The following CNTNAP2 variants were observed in gnomAD, a reference collection of about 807,000 sequenced individuals.
CNTNAP2 encodes contactin-associated protein-like 2.
Under a neutral mutation model 155.2 loss-of-function variants are expected in CNTNAP2, and 98 were observed. The observed-to-expected ratio is 0.63, with a 90% CI of 0.54 to 0.75. The LOEUF is 0.75. Ranked by LOEUF, CNTNAP2 falls within the 30% of genes least tolerant of loss-of-function variation. The pLI is 0.00. For missense variants in CNTNAP2, 1,727 were observed against 1,688.1 expected (o/e 1.02, Z -0.40); for synonymous variants, 651 against 631.2 (o/e 1.03, Z -0.47).
At chr7:147,254,081 T>G (rs1452532091) in intron 8 of CNTNAP2, among the ~76,000 whole-genome samples, 1 of 152,116 alleles carries the variant, frequency 6.6e-6, no homozygotes, top group African/African-American at 2.4e-5. Flanking sequence ...TTTATGGCAT[T>G]CATGTGATTT....
At chr7:146,630,730 GTGA>G (rs1395672564) in intron 1 of CNTNAP2, among the ~76,000 whole-genome samples, 4 of 152,096 alleles carry the variant, frequency 2.6e-5, no homozygotes, top group Admixed American at 2.6e-4. Context: ...CTAATGACCA[GTGA>G]TGATGAGCAA....
intron 13 of CNTNAP2, among the ~76,000 whole-genome samples, chr7:147,756,435 C>T (rs724440): frequency 0.35 from 53,065 of 151,948 alleles, 10,104 homozygotes; most frequent in African/African-American, 0.49. Context: ...ACATCTTGAC[C>T]AAAGTCACAC....
intron 8 of CNTNAP2, among the ~76,000 whole-genome samples, chr7:147,266,537 T>C (rs1193913308): frequency 6.6e-6 from 1 of 152,178 alleles, no homozygotes; most frequent in Non-Finnish European, 1.5e-5. Context: ...ACTATTACTA[T>C]GAAGAACAAA....
intron 1 of CNTNAP2, among the ~76,000 whole-genome samples, chr7:146,314,409 C>A (rs1028612724): frequency 1.3e-5 from 2 of 152,074 alleles, no homozygotes; most frequent in Non-Finnish European, 2.9e-5. Context: ...GTGTTAGATG[C>A]GTGTTCCAGT....
intron 12 of CNTNAP2, among the ~76,000 whole-genome samples, chr7:147,585,235 G>T (rs727640): frequency 0.69 from 104,834 of 151,840 alleles, 36,760 homozygotes; most frequent in African/African-American, 0.81. Context: ...AGTAATTAAA[G>T]TGTATTACTT....
intron 18 of CNTNAP2, among the ~76,000 whole-genome samples, chr7:148,208,515 G>A (rs1449276001): frequency 6.6e-6 from 1 of 152,152 alleles, no homozygotes; most frequent in African/African-American, 2.4e-5. Flanking sequence ...AGGAAAAAGA[G>A]CCAATGCCTT....
At chr7:147,559,091 G>A (rs541807338) in intron 11 of CNTNAP2, among the ~76,000 whole-genome samples, 2 of 152,064 alleles carry the variant, frequency 1.3e-5, no homozygotes, top group East Asian at 1.9e-4. Flanking sequence ...GCCCAGGCTG[G>A]TCTCCAACTC....
chr7:146,234,231 T>A (rs1799433855), intron 1 of CNTNAP2, among the ~76,000 whole-genome samples: 1 of 152,168 alleles, frequency 6.6e-6, no homozygotes, highest in Non-Finnish European at 1.5e-5. Context: ...GGTGAGCATT[T>A]TCTCATGTGT....
At chr7:146,215,667 G>A (rs759575250) in intron 1 of CNTNAP2, among the ~76,000 whole-genome samples, 1 of 151,752 alleles carries the variant, frequency 6.6e-6, no homozygotes, top group Non-Finnish European at 1.5e-5. Flanking sequence ...TGTAAAATTT[G>A]TTAAACTTCC....
chr7:147,640,859 G>A (rs1795261713), intron 13 of CNTNAP2, among the ~76,000 whole-genome samples: 1 of 152,154 alleles, frequency 6.6e-6, no homozygotes, highest in African/African-American at 2.4e-5. Context: ...TGGAGGAGGT[G>A]GTACCTGACT....
intron 3 of CNTNAP2, among the ~76,000 whole-genome samples, chr7:146,954,784 A>G (rs746371522): frequency 7.2e-5 from 11 of 152,004 alleles, no homozygotes; most frequent in Admixed American, 1.3e-4. Flanking sequence ...TACCACTGCA[A>G]TTCACCCCAA....
At chr7:147,050,294 T>C (rs561643555) in intron 4 of CNTNAP2, among the ~76,000 whole-genome samples, 1 of 152,308 alleles carries the variant, frequency 6.6e-6, no homozygotes, top group Non-Finnish European at 1.5e-5. Flanking sequence ...CAAACATTCA[T>C]TTTAAAAAGC....
rs112678080 is a variant in CNTNAP2, at chr7:147,998,257, G to A, written c.2383+20268G>A. Among the ~76,000 whole-genome samples, 4 of 151,714 alleles carry A rather than the reference G, an allele frequency of 2.6e-5. 1 individual carries two copies. The highest frequency in any genetic ancestry group is 6.6e-5 in the Admixed American group (1 of 15,234). ...CTCTCGAGTAGCTGGGATTACAGGC[G>A]CCCGCCACCACGTCTGGCTAATTTT... On this transcript the variant is annotated intron_variant, in intron 15 of 23. Transcript: ENST00000361727.
At chr7:146,456,131 A>G (rs1203009905) in intron 1 of CNTNAP2, among the ~76,000 whole-genome samples, 3 of 152,182 alleles carry the variant, frequency 2.0e-5, no homozygotes, top group Admixed American at 2.0e-4. Flanking sequence ...GCTGATCTCC[A>G]TAATGGGAAT....
At chr7:147,608,931 G>C (rs1801127173) in intron 12 of CNTNAP2, among the ~76,000 whole-genome samples, 1 of 152,118 alleles carries the variant, frequency 6.6e-6, no homozygotes, top group African/African-American at 2.4e-5. Context: ...GCTCAGTCGG[G>C]GAGCTTCTGA....
intron 22 of CNTNAP2, among the ~76,000 whole-genome samples, chr7:148,385,146 GT>G (rs1468755793): frequency 5.3e-5 from 8 of 152,300 alleles, no homozygotes; most frequent in Middle Eastern, 3.4e-3. Flanking sequence ...TGCCAGGGCT[GT>G]GCTGCAAAGC....
chr7:146,333,750 G>T (rs1436003766), intron 1 of CNTNAP2, among the ~76,000 whole-genome samples: 2 of 152,092 alleles, frequency 1.3e-5, no homozygotes, highest in Non-Finnish European at 2.9e-5. Flanking sequence ...ACTTTCGGTT[G>T]GTAACTCTTT....
intron 15 of CNTNAP2, among the ~76,000 whole-genome samples, chr7:148,026,747 AT>A (rs1250215269): frequency 5.3e-5 from 8 of 152,178 alleles, no homozygotes; most frequent in Non-Finnish European, 8.8e-5. Flanking sequence ...CTGCATTCCA[AT>A]AAAAGTTAGA....
At position 146,911,311 on chromosome 7, in the gene CNTNAP2, T is replaced by C. The variant is rs548386584; in HGVS notation, c.402+71407T>C. Among the ~76,000 whole-genome samples the C allele has an allele frequency of 5.8e-4, 89 of 152,246 alleles. 2 individuals carry two copies. Among genetic ancestry groups the C allele is most frequent in the African/African-American group, 2.0e-3 (81 of 41,528 alleles). ...CCCAGCCATCCTATTACTGGGTATA[T>C]ACCCAAAGGACTATAAATCATGCTG... On this transcript the variant is annotated intron_variant, in intron 3 of 23. Transcript: ENST00000361727.
Sources: gnomAD v4.1 joint callset for allele counts (sites outside exome capture counted in the v4.1 genomes callset) on GRCh38, gnomAD v4.1.1 for gene constraint, MANE v1.5 for transcripts, NCBI Gene and HGNC (gene_info 2026-07-23, HGNC 2026-07-21) for gene names.